INSC: variants seen among roughly 807,000 people sequenced by gnomAD.
The protein encoded by INSC is INSC spindle orientation adaptor protein.
Under a neutral mutation model 58.6 loss-of-function variants are expected in INSC, and 67 were observed. The ratio of observed to expected loss-of-function variants is 1.14; its 90% confidence interval spans 0.94 to 1.40. The LOEUF (loss-of-function observed/expected upper bound fraction) is 1.40, where lower values mean the gene tolerates loss of function less well. Among genes scored for constraint, INSC ranks in the 40% most tolerant of loss-of-function variants. The pLI is 0.00. For synonymous variants in INSC, 262 were observed against 276.1 expected, an observed-to-expected ratio of 0.95 and a Z score of 0.51; for missense variants, 714 against 692.0, an observed-to-expected ratio of 1.03 and a Z score of -0.36.
intron 1 of INSC, among the ~76,000 whole-genome samples, chr11:15,123,356 C>T (rs544933297): frequency 6.6e-6 from 1 of 152,242 alleles, no homozygotes; most frequent in African/African-American, 2.4e-5. Flanking sequence ...TGGTTTTGCT[C>T]GTTACTTTAT....
chr11:15,129,795 G>A (rs1848083810), intron 1 of INSC, among the ~76,000 whole-genome samples: 1 of 152,170 alleles, frequency 6.6e-6, no homozygotes, highest in Non-Finnish European at 1.5e-5. Flanking sequence ...TCTACATAGA[G>A]AATGAGGATG....
intron 1 of INSC, among the ~76,000 whole-genome samples, chr11:15,117,856 T>C (rs187483683): frequency 2.2e-3 from 334 of 152,296 alleles, no homozygotes; most frequent in African/African-American, 6.7e-3. Context: ...TGGGACATAA[T>C]GCCCATCTCT....
upstream of INSC, chr11:15,114,839 C>T (rs112632531): frequency 3.2e-3 from 2,119 of 671,602 alleles, 36 homozygotes; most frequent in African/African-American, 0.06. Flanking sequence ...GCGACCGCCT[C>T]GGAGAGGGCG....
At chr11:15,126,613 A>C (rs1313625967) in intron 1 of INSC, among the ~76,000 whole-genome samples, 1 of 152,234 alleles carries the variant, frequency 6.6e-6, no homozygotes, top group Non-Finnish European at 1.5e-5. Context: ...AAGGCACTAT[A>C]GAACACTTGT....
intron 2 of INSC, among the ~76,000 whole-genome samples, chr11:15,168,838 T>G (rs1849291480): frequency 6.6e-6 from 1 of 152,220 alleles, no homozygotes. Flanking sequence ...CTTTATCTGG[T>G]TGCTGAATTC....
At chr11:15,251,482 A>C (rs765981394), downstream of INSC, among the ~76,000 whole-genome samples, 2 of 152,234 alleles carry the variant, frequency 1.3e-5, no homozygotes, top group African/African-American at 2.4e-5. Context: ...CTCATGGAAT[A>C]GGCAAAAATA....
At chr11:15,156,465 T>C (rs764725390) in intron 2 of INSC, among the ~76,000 whole-genome samples, 11 of 152,194 alleles carry the variant, frequency 7.2e-5, no homozygotes, top group Non-Finnish European at 1.5e-4. Context: ...TTTCCACTTA[T>C]TCATTGTGTG....
intron 5 of INSC, among the ~76,000 whole-genome samples, chr11:15,185,082 G>A (rs777950268): frequency 2.4e-4 from 37 of 152,290 alleles, no homozygotes; most frequent in Non-Finnish European, 3.8e-4. Flanking sequence ...TAAAGATTGG[G>A]TAACAAATGA....
At chr11:15,217,867 T>G (rs1189428022) in intron 7 of INSC, among the ~76,000 whole-genome samples, 1 of 152,144 alleles carries the variant, frequency 6.6e-6, no homozygotes, top group Non-Finnish European at 1.5e-5. Context: ...GGCAAAAAAT[T>G]TAAAAATCTG....
chr11:15,201,539 G>C lies in INSC; in HGVS notation c.819+590G>C, dbSNP rs1031991640. Among the ~76,000 whole-genome samples, 32 of 152,174 alleles carry C rather than the reference G, an allele frequency of 2.1e-4. 1 individual carries two copies. Among genetic ancestry groups the C allele is most frequent in the African/African-American group, 7.5e-4 (31 of 41,454 alleles). ...GGCTCTAGTGCCTCTGTTCAAGCCTGATCTATGGTGACATAACTAATTCCC... is the reference window on the plus strand; with the variant it reads ...GGCTCTAGTGCCTCTGTTCAAGCCTCATCTATGGTGACATAACTAATTCCC... On this transcript the variant is annotated intron_variant, in intron 7 of 12. Transcript: ENST00000379556.
At chr11:15,267,212 C>T in the INSC span, among the ~76,000 whole-genome samples, 1 of 152,118 alleles carries the variant, frequency 6.6e-6, no homozygotes, top group East Asian at 1.9e-4. Flanking sequence ...GAGAAGTCTG[C>T]TGTCATTCTT....
At chr11:15,137,524 C>G (rs1372644079) in intron 1 of INSC, among the ~76,000 whole-genome samples, 1 of 152,216 alleles carries the variant, frequency 6.6e-6, no homozygotes, top group Non-Finnish European at 1.5e-5. Context: ...TTCTGGATAA[C>G]TTGCTGCACT....
At chr11:15,227,659 GGCTATT>G (rs1851692743) in intron 9 of INSC, among the ~76,000 whole-genome samples, 1 of 152,160 alleles carries the variant, frequency 6.6e-6, no homozygotes, top group Non-Finnish European at 1.5e-5. Context: ...CCCCCTGGTT[GGCTATT>G]GGCTTGATTG....
rs1318947683 is a variant in INSC, at chr11:15,190,562, T to A, written c.580-139T>A. 6 of 692,904 alleles carry A rather than the reference T, an allele frequency of 8.7e-6. No homozygotes were observed. In the African/African-American group the frequency reaches 8.8e-5, roughly 10 times the overall value. The allele number at this position is 692,904 out of a possible 1,614,324, so 42.9% of individuals were successfully genotyped here. ...TCCCAAAGCTAGAACTTCATTGCACTCACAATGAGGCAGTAGCTAGGGGCA... is the reference window on the plus strand; with the variant it reads ...TCCCAAAGCTAGAACTTCATTGCACACACAATGAGGCAGTAGCTAGGGGCA... On this transcript the variant is annotated intron_variant, in intron 5 of 12. Coordinates refer to ENST00000379556, the MANE Select transcript of INSC (RefSeq NM_001042536.3).
chr11:15,229,215 C>T (rs1851754520), intron 9 of INSC, among the ~76,000 whole-genome samples: 1 of 152,154 alleles, frequency 6.6e-6, no homozygotes, highest in South Asian at 2.1e-4. Context: ...TAACTGCTTT[C>T]ATAAGGGAAG....
chr11:15,225,505 C>T (rs1291827786), intron 8 of INSC, 145 bp from the exon 9 acceptor site: 3 of 783,308 alleles, frequency 3.8e-6, no homozygotes, highest in South Asian at 1.9e-5. Context: ...ACTGTTGCCT[C>T]TCTAGTAGCC....
chr11:15,262,519 C>A, the INSC span, among the ~76,000 whole-genome samples: 1 of 152,082 alleles, frequency 6.6e-6, no homozygotes, highest in Non-Finnish European at 1.5e-5. Context: ...TAGAAATAAA[C>A]CCAGTCATCT....
intron 12 of INSC, 116 bp from the exon 13 acceptor site, chr11:15,245,796 A>G (rs1233914202): frequency 7.2e-7 from 1 of 1,391,706 alleles, no homozygotes; most frequent in Non-Finnish European, 9.7e-7. Flanking sequence ...GATCAACCCA[A>G]ATTGTCTGGT....
the INSC span, among the ~76,000 whole-genome samples, chr11:15,263,777 C>T: frequency 2.0e-5 from 3 of 152,198 alleles, no homozygotes; most frequent in South Asian, 6.2e-4. Flanking sequence ...GGGAAGAATT[C>T]ACTTTCAAGC....
Sources: allele counts gnomAD v4.1 joint callset (sites outside exome capture counted in the v4.1 genomes callset), GRCh38; gene constraint gnomAD v4.1.1; transcripts MANE v1.5; gene names NCBI Gene and HGNC (gene_info 2026-07-23, HGNC 2026-07-21).